The following EPS15L1 variants were observed in gnomAD, a reference collection of about 807,000 sequenced individuals.
The protein encoded by EPS15L1 is epidermal growth factor receptor substrate 15-like 1.
Under a neutral mutation model 117.1 loss-of-function variants are expected in EPS15L1, and 43 were observed. That is an observed-to-expected ratio of 0.37 (90% confidence interval 0.29 to 0.47). The LOEUF is 0.47. EPS15L1 is among the 20% of genes least tolerant of loss of function. EPS15L1 has a pLI of 0.99. For missense variants in EPS15L1, 981 were observed against 1,164.0 expected (o/e 0.84, Z 2.29); for synonymous variants, 459 against 470.5 (o/e 0.98, Z 0.32).
chr19:16,434,451 G>A lies in EPS15L1; in HGVS notation c.412C>T (p.Leu138Phe). ...GAGAGCAAACCATTGATGGGCAAGA[G>A]GCTTTCAAAAATCCCATCAAATTTG... Reference protein sequence around the residue: ...KAKFDGIFESLLPINGLLSGD... With the variant: ...KAKFDGIFESFLPINGLLSGD... The change falls in exon 7 of 24, where the codon CTC becomes TTC. Residue 138 changes from leucine (L) to phenylalanine (F), a missense_variant. Around this residue, in one of 5 missense-constraint regions of EPS15L1, gnomAD observed 52 missense variants for 53.1 expected, o/e 0.98. Transcript: ENST00000455140. 6.2e-7 allele frequency: 1 copy of A among 1,614,082 alleles called. No individual in the cohort carries two copies. Among genetic ancestry groups the A allele is most frequent in the Non-Finnish European group, 8.5e-7 (1 of 1,180,008 alleles).
rs1414349798 is a variant in EPS15L1 at position 16,383,473 on chromosome 19, G to A, written c.2247+1656C>T. 3.3e-5 allele frequency: 5 copies of A among 152,226 alleles called. No homozygotes were observed. The highest frequency in any genetic ancestry group is 2.1e-4 in the South Asian group (1 of 4,826). 9.4% of individuals were successfully genotyped at this position (152,226 alleles called of 1,614,324 possible). Reference sequence around the variant, plus strand: ...CGTGTGGCCAACGTTTTCTGCTTTCGGGAGATGGTTTCCCGCCTGCCCAGG... The same window carrying A: ...CGTGTGGCCAACGTTTTCTGCTTTCAGGAGATGGTTTCCCGCCTGCCCAGG... On this transcript the variant is annotated intron_variant, in intron 21 of 23. Coordinates refer to ENST00000455140, the MANE Select transcript of EPS15L1 (RefSeq NM_001258374.3). This position sits in a 1 kb window ranked among gnomAD's most constrained non-coding sequence, Gnocchi z 5.2.
chr19:16,367,753 CAAAAAAA>C (rs60689307), intron 22 of EPS15L1, among the ~76,000 whole-genome samples: 2 of 50,732 alleles, frequency 3.9e-5, no homozygotes, highest in African/African-American at 7.3e-5. Context: ...GGGTGCAAAG[CAAAAAAA>C]AAAAAAAAAA....
intron 17 of EPS15L1, 56 bp from the exon 18 acceptor site, chr19:16,394,057 G>C (rs982797471): frequency 1.3e-6 from 2 of 1,548,648 alleles, no homozygotes; most frequent in African/African-American, 2.7e-5. Context: ...ATGCGGGCCG[G>C]GCCCTTGGAC....
At chr19:16,420,942 C>T (rs554492433) in intron 10 of EPS15L1, among the ~76,000 whole-genome samples, 2 of 152,354 alleles carry the variant, frequency 1.3e-5, no homozygotes, top group South Asian at 4.1e-4. Context: ...GGCCACTCTG[C>T]TAGAGGCTCC....
chr19:16,413,997 C>T (rs1164587816), intron 12 of EPS15L1, 152 bp from the exon 13 acceptor site: 2 of 628,898 alleles, frequency 3.2e-6, no homozygotes, highest in East Asian at 2.8e-5. Context: ...CCTGTACAGT[C>T]CCTTCCCCGT....
intron 1 of EPS15L1, among the ~76,000 whole-genome samples, chr19:16,454,848 G>A (rs540211436): frequency 3.3e-5 from 5 of 151,524 alleles, no homozygotes; most frequent in Non-Finnish European, 7.4e-5. Flanking sequence ...GACAGCTCTG[G>A]GCCAGGCATG....
intron 22 of EPS15L1, among the ~76,000 whole-genome samples, chr19:16,362,267 C>T (rs2092065772): frequency 1.3e-5 from 2 of 151,994 alleles, no homozygotes; most frequent in South Asian, 4.2e-4. Flanking sequence ...GAATAGTTTG[C>T]ATGCAGGTAC....
chr19:16,370,113 A>G lies in EPS15L1; in HGVS notation c.2380+7009T>C, dbSNP rs1202000216. On this transcript the variant is annotated intron_variant, in intron 22 of 23. Coordinates refer to ENST00000455140, the MANE Select transcript of EPS15L1 (RefSeq NM_001258374.3). The surrounding 1 kb of genome is among the most constrained non-coding windows in gnomAD (Gnocchi z 5.2). ...GGGGTCGTGCATGAAAGGACCCAAA[A>G]GAGCCCCTGGGAGGGGAGCAAGTGA... Among the ~76,000 whole-genome samples, 3 of 152,198 alleles carry G rather than the reference A, an allele frequency of 2.0e-5. No homozygotes were observed. Among genetic ancestry groups the G allele is most frequent in the Non-Finnish European group, 2.9e-5 (2 of 68,040 alleles).
chr19:16,380,903 C>G (rs2092354577), intron 21 of EPS15L1, among the ~76,000 whole-genome samples: 1 of 152,254 alleles, frequency 6.6e-6, no homozygotes, highest in Admixed American at 6.5e-5. Flanking sequence ...CGTCCCGTCA[C>G]AGAGATATGG....
intron 8 of EPS15L1, among the ~76,000 whole-genome samples, chr19:16,426,461 G>A (rs547538836): frequency 9.2e-5 from 14 of 152,148 alleles, no homozygotes; most frequent in South Asian, 2.1e-4. Flanking sequence ...GGGAGAAACC[G>A]CATCTCTACT....
intron 4 of EPS15L1, among the ~76,000 whole-genome samples, chr19:16,439,518 G>A (rs1043247003): frequency 6.6e-6 from 1 of 151,794 alleles, no homozygotes; most frequent in East Asian, 1.9e-4. Flanking sequence ...GTGAGACCTC[G>A]TCTCTACAAA....
intron 8 of EPS15L1, 124 bp downstream of exon 8, chr19:16,428,578 G>GAAAAGAAAAGAAAAGAAAAGAA: frequency 1.6e-6 from 1 of 635,552 alleles, no homozygotes; most frequent in Non-Finnish European, 2.7e-6. Context: ...AAAAGGAAAG[G>GAAAAGAAAAGAAAAGAAAAGAA]AAAAGAAAAG....
At chr19:16,450,052 C>T (rs1205674551) in intron 1 of EPS15L1, among the ~76,000 whole-genome samples, 2 of 150,632 alleles carry the variant, frequency 1.3e-5, no homozygotes, top group African/African-American at 4.9e-5. Context: ...GGGACGTGTT[C>T]TGTACCTGGC....
chr19:16,442,561 A>G (rs371515390), intron 1 of EPS15L1, among the ~76,000 whole-genome samples: 4 of 152,064 alleles, frequency 2.6e-5, no homozygotes, highest in Non-Finnish European at 4.4e-5. Context: ...GGGAAAGGAC[A>G]CTCTATCCTC....
chr19:16,402,382 G>A lies in EPS15L1; in HGVS notation c.1730C>T (p.Thr577Ile). Reference sequence around the variant, plus strand: ...GCCTTCGCTCAGGTTGGCCAGGTCGGTCAGGCTGGCACCATGGGCTCCATC... The same window carrying A: ...GCCTTCGCTCAGGTTGGCCAGGTCGATCAGGCTGGCACCATGGGCTCCATC... Reference protein sequence around the residue: ...VLDGAHGASLTDLANLSEGVS... With the variant: ...VLDGAHGASLIDLANLSEGVS... Residue 577 changes from threonine (T) to isoleucine (I), a missense_variant, in exon 16 of 24, where the codon ACC (threonine) becomes ATC (isoleucine). Thr to Ile is a moderately conservative substitution (Grantham distance 89, BLOSUM62 -1). Transcript: ENST00000455140. 6.2e-7 allele frequency: 1 copy of A among 1,614,112 alleles called. No individual in the cohort carries two copies. Among genetic ancestry groups the A allele is most frequent in the Non-Finnish European group, 8.5e-7 (1 of 1,180,008 alleles).
chr19:16,386,196 G>A lies in EPS15L1; in HGVS notation c.2139C>T (p.Ser713=). The change falls in exon 20 of 24, where the codon TCC becomes TCT. Residue 713 remains serine (S), a synonymous_variant. Coordinates refer to ENST00000455140, the MANE Select transcript of EPS15L1 (RefSeq NM_001258374.3). ...CTGATCCTTTTGAGGAGACACTGGA[G>A]GATGAAAAGGGATCACTGGATTCAA... ...DPFESSDPFS[S]SSVSSKGSDP... 6.2e-7 allele frequency: 1 copy of A among 1,612,604 alleles called. No homozygotes were observed. Among genetic ancestry groups the A allele is most frequent in the Middle Eastern group, 1.7e-4 (1 of 6,060 alleles).
At chr19:16,442,060 A>T in intron 2 of EPS15L1, 79 bp from the exon 3 acceptor site, 1 of 1,476,630 alleles carries the variant, frequency 6.8e-7, no homozygotes, top group Admixed American at 1.7e-5. Context: ...CACGCTAACT[A>T]TCCGCTGACA....
At chr19:16,368,064 C>A (rs576844715) in intron 22 of EPS15L1, among the ~76,000 whole-genome samples, 1 of 152,168 alleles carries the variant, frequency 6.6e-6, no homozygotes, top group South Asian at 2.1e-4. Flanking sequence ...TTGGAAAATG[C>A]AGTTCTGCAG....
intron 13 of EPS15L1, chr19:16,413,374 G>A (rs767198544): frequency 1.4e-5 from 10 of 692,678 alleles, no homozygotes; most frequent in East Asian, 2.5e-5. Flanking sequence ...ACCTCAGCCA[G>A]GGGCTGCACT....
Sources: gnomAD v4.1 joint callset for allele counts (sites outside exome capture counted in the v4.1 genomes callset) on GRCh38, gnomAD v4.1.1 for gene constraint, gnomAD v4.1.1 regional missense constraint, Gnocchi (gnomAD v3.1) non-coding constraint, MANE v1.5 for transcripts, NCBI Gene and HGNC (gene_info 2026-07-23, HGNC 2026-07-21) for gene names.